TMEM132B: variants seen among roughly 807,000 people sequenced by gnomAD.
TMEM132B encodes the protein transmembrane protein 132B.
In TMEM132B, 18 loss-of-function variants were observed where a neutral mutation model predicts 90.8. The observed-to-expected ratio is 0.20, with a 90% confidence interval of 0.14 to 0.29. The LOEUF (loss-of-function observed/expected upper bound fraction) is 0.29, where lower values mean the gene tolerates loss of function less well. TMEM132B is among the 10% of genes least tolerant of loss of function. The pLI is 1.00. For missense variants in TMEM132B, 1,096 were observed against 1,326.8 expected (o/e 0.83, Z 2.70); for synonymous variants, 504 against 523.3 (o/e 0.96, Z 0.50).
rs183652523 is a variant in TMEM132B at position 125,488,477 on chromosome 12, G to A, written c.1107-30962G>A. 2.6e-4 allele frequency among the ~76,000 whole-genome samples: 40 copies of A among 152,174 alleles called. 1 individual carries two copies. In the South Asian group the frequency reaches 3.9e-3, roughly 15 times the overall value. The stretch of plus-strand genomic sequence containing the variant: ...TGGGAGGTGATTGGATTATGGGGGC[G>A]GGTCTTTCCTATGCTGTTCTCGTGA... On this transcript the variant is annotated intron_variant, in intron 3 of 8. Coordinates refer to ENST00000682704, the MANE Select transcript of TMEM132B (RefSeq NM_001366854.1).
intron 5 of TMEM132B, among the ~76,000 whole-genome samples, chr12:125,591,542 T>C (rs1333031779): frequency 6.6e-6 from 1 of 152,228 alleles, no homozygotes; most frequent in Non-Finnish European, 1.5e-5. Flanking sequence ...ACATCTGTGA[T>C]GTCCTTTTGA....
chr12:125,597,992 T>C (rs376077698), intron 5 of TMEM132B, among the ~76,000 whole-genome samples: 33 of 152,174 alleles, frequency 2.2e-4, no homozygotes, highest in African/African-American at 7.7e-4. Flanking sequence ...GGATTCAGAA[T>C]TGGCAATGGG....
At chr12:125,455,371 A>G (rs530093669) in intron 3 of TMEM132B, among the ~76,000 whole-genome samples, 1 of 152,332 alleles carries the variant, frequency 6.6e-6, no homozygotes, top group East Asian at 1.9e-4. Context: ...ATTTGTGGGA[A>G]TCACAGCCTG....
In TMEM132B at chr12:125,406,938, G is replaced by A. The variant is rs1373151337; in HGVS notation, c.960-8593G>A. On this transcript the variant is annotated intron_variant, in intron 2 of 8. Transcript: ENST00000682704. This position sits in a 1 kb window ranked among gnomAD's most constrained non-coding sequence, Gnocchi z 8.3. ...AGGATCCAGTAGAGGTCCAGGGCAA[G>A]CTCCCAGTTGACCTTTCCCAGTGGA... Among the ~76,000 whole-genome samples the A allele has an allele frequency of 2.6e-5, 4 of 152,228 alleles. No homozygotes were observed. The highest frequency in any genetic ancestry group is 5.9e-5 in the Non-Finnish European group (4 of 68,036).
intron 2 of TMEM132B, among the ~76,000 whole-genome samples, chr12:125,388,595 T>C (rs535764715): frequency 6.8e-4 from 103 of 152,310 alleles, no homozygotes; most frequent in South Asian, 1.9e-3. Context: ...ATGGTGAATA[T>C]GCAGCAGAAA....
intron 3 of TMEM132B, among the ~76,000 whole-genome samples, chr12:125,463,891 C>T (rs114903711): frequency 0.011 from 1,625 of 152,198 alleles, 23 homozygotes; most frequent in African/African-American, 0.037. Context: ...AGAATCATGG[C>T]GGAAGGTGAA....
At position 125,654,602 on chromosome 12, in the gene TMEM132B, C is replaced by T. The variant is rs966837131; in HGVS notation, c.3144C>T (p.Ser1048=). The T allele has an allele frequency of 6.2e-7, 1 of 1,614,226 alleles. No individual in the cohort carries two copies. The highest frequency in any genetic ancestry group is 1.7e-5 in the Admixed American group (1 of 60,030). ...AGGACGGCGGCCCATACACCAACTC[C>T]ATCCTGTTTGACAGCGATGATAACA... is the stretch of plus-strand genomic sequence containing the variant. ...LPEDGGPYTN[S]ILFDSDDNIK... Residue 1048 remains serine, a synonymous_variant, in exon 9 of 9, where the codon TCC becomes TCT. Coordinates refer to ENST00000682704, the MANE Select transcript of TMEM132B (RefSeq NM_001366854.1). This position sits in a 1 kb window ranked among gnomAD's most constrained non-coding sequence, Gnocchi z 5.8.
chr12:125,193,503 G>A (rs1032855579), intron 1 of TMEM132B, among the ~76,000 whole-genome samples: 4 of 152,212 alleles, frequency 2.6e-5, no homozygotes, highest in South Asian at 2.1e-4. Flanking sequence ...ACATTAATTT[G>A]TGTTTTTCAT....
At chr12:125,596,810 C>T (rs1218636013) in intron 5 of TMEM132B, among the ~76,000 whole-genome samples, 2 of 152,192 alleles carry the variant, frequency 1.3e-5, no homozygotes, top group Non-Finnish European at 2.9e-5. Flanking sequence ...TTCTTGACAT[C>T]CTTTGTGTCT....
chr12:125,400,329 C>T (rs1048342810), intron 2 of TMEM132B, among the ~76,000 whole-genome samples: 1 of 152,266 alleles, frequency 6.6e-6, no homozygotes, highest in South Asian at 2.1e-4. Flanking sequence ...GCACGTGTTG[C>T]CTGGGGAAAG....
intron 3 of TMEM132B, among the ~76,000 whole-genome samples, chr12:125,440,870 A>G (rs770731616): frequency 1.3e-5 from 2 of 152,232 alleles, no homozygotes; most frequent in African/African-American, 2.4e-5. Flanking sequence ...CACAACTGCT[A>G]GAGCTGACTG....
chr12:125,593,378 C>T (rs954853985), intron 5 of TMEM132B, among the ~76,000 whole-genome samples: 2 of 152,222 alleles, frequency 1.3e-5, no homozygotes, highest in Non-Finnish European at 2.9e-5. Flanking sequence ...GGAATTGTTT[C>T]TGCATAATTC....
At chr12:125,651,227 A>G (rs1382656619) in intron 7 of TMEM132B, among the ~76,000 whole-genome samples, 1 of 152,208 alleles carries the variant, frequency 6.6e-6, no homozygotes, top group Admixed American at 6.5e-5. Flanking sequence ...GCTAAATGAA[A>G]CATGTAGTGT....
chr12:125,415,422 G>C lies in TMEM132B; in HGVS notation c.960-109G>C. On this transcript the variant is annotated intron_variant, in intron 2 of 8. Transcript: ENST00000682704. The surrounding 1 kb of genome is among the most constrained non-coding windows in gnomAD (Gnocchi z 5.3). Reference sequence around the variant, plus strand: ...CCCACATCTCCCAGAGGAAGGGGGCGATGTTACAGATGCTTTCCCAGTGAT... The same window carrying C: ...CCCACATCTCCCAGAGGAAGGGGGCCATGTTACAGATGCTTTCCCAGTGAT... The C allele has an allele frequency of 5.2e-6, 7 of 1,334,964 alleles. No homozygotes were observed. The highest frequency in any genetic ancestry group is 7.1e-6 in the Non-Finnish European group (7 of 987,626). 82.7% of individuals were successfully genotyped at this position (1,334,964 alleles called of 1,614,324 possible).
intron 3 of TMEM132B, among the ~76,000 whole-genome samples, chr12:125,493,842 T>G (rs1222285376): frequency 6.8e-6 from 1 of 146,230 alleles, no homozygotes; most frequent in African/African-American, 2.6e-5. Context: ...GCCGCATCCC[T>G]CCTCCCCGTC....
Position 125,458,023 on chromosome 12 carries a change from A to T in TMEM132B, c.1106+42346A>T, listed in dbSNP as rs767532025. Among the ~76,000 whole-genome samples, 3 of 152,106 alleles carry T rather than the reference A, an allele frequency of 2.0e-5. No individual in the cohort carries two copies. Among genetic ancestry groups the T allele is most frequent in the African/African-American group, 4.8e-5 (2 of 41,420 alleles). ...CAGGATGGGGTGTACGTCTCAGGTGATCCCTGGAGAGGTTTGAAGAAGGAG... is the reference window on the plus strand; with the variant it reads ...CAGGATGGGGTGTACGTCTCAGGTGTTCCCTGGAGAGGTTTGAAGAAGGAG... On this transcript the variant is annotated intron_variant, in intron 3 of 8. Coordinates refer to ENST00000682704, the MANE Select transcript of TMEM132B (RefSeq NM_001366854.1). The surrounding 1 kb of genome is among the most constrained non-coding windows in gnomAD (Gnocchi z 4.9).
intron 1 of TMEM132B, among the ~76,000 whole-genome samples, chr12:125,194,351 T>G (rs1015416296): frequency 4.7e-4 from 72 of 151,962 alleles, no homozygotes; most frequent in African/African-American, 1.6e-3. Flanking sequence ...AAATCATGCC[T>G]CAGATGTCTG....
chr12:125,226,641 G>A (rs1873687457), intron 1 of TMEM132B, among the ~76,000 whole-genome samples: 1 of 152,178 alleles, frequency 6.6e-6, no homozygotes. Context: ...TTAGGGATAG[G>A]CATAGATTCA....
At chr12:125,446,352 AT>A (rs1335045547) in intron 3 of TMEM132B, among the ~76,000 whole-genome samples, 1 of 152,186 alleles carries the variant, frequency 6.6e-6, no homozygotes, top group Non-Finnish European at 1.5e-5. Flanking sequence ...CTATTTATAT[AT>A]TAAGGATGTG....
Sources: allele counts gnomAD v4.1 joint callset (sites outside exome capture counted in the v4.1 genomes callset), GRCh38; gene constraint gnomAD v4.1.1; non-coding constraint Gnocchi (gnomAD v3.1); transcripts MANE v1.5; gene names NCBI Gene and HGNC (gene_info 2026-07-23, HGNC 2026-07-21).